The following ANKHD1 variants were observed in gnomAD, a reference collection of about 807,000 sequenced individuals.
ANKHD1 encodes ankyrin repeat and KH domain-containing protein 1.
A neutral mutation model predicts 230.5 loss-of-function variants in ANKHD1; 31 were observed. That is an observed-to-expected ratio of 0.13 (90% confidence interval 0.10 to 0.18). ANKHD1 has a LOEUF of 0.18. Ranked by LOEUF, ANKHD1 falls within the 10% of genes least tolerant of loss-of-function variation. The pLI, the probability that ANKHD1 is intolerant of heterozygous loss-of-function variation, is 1.00. For missense variants in ANKHD1, 2,256 were observed against 3,071.3 expected (o/e 0.73, Z 6.27); for synonymous variants, 1,074 against 1,117.6 (o/e 0.96, Z 0.78).
rs1190363167 is a variant in ANKHD1 at position 140,539,666 on chromosome 5, TATGCAGAAGAGAATTAGTTG to T, written c.*251_*270del. On this transcript the variant is annotated 3_prime_UTR_variant, in exon 34 of 34. Transcript: ENST00000360839. Reference sequence around the variant, plus strand: ...GGCTAAACATACAGAATACTACTTGTATGCAGAAGAGAATTAGTTGATTACATGTTTCAACCTTTTAGGGT... The same window carrying T: ...GGCTAAACATACAGAATACTACTTGTATTACATGTTTCAACCTTTTAGGGT... The T allele has an allele frequency of 2.6e-6, 1 of 383,490 alleles. No individual in the cohort carries two copies. Among genetic ancestry groups the T allele is most frequent in the African/African-American group, 2.1e-5 (1 of 48,240 alleles). 23.8% of individuals were successfully genotyped at this position (383,490 alleles called of 1,614,324 possible).
At chr5:140,465,810 A>T (rs1776039833) in intron 10 of ANKHD1, among the ~76,000 whole-genome samples, 2 of 152,104 alleles carry the variant, frequency 1.3e-5, no homozygotes, top group African/African-American at 4.8e-5. Flanking sequence ...AATTTTTGGG[A>T]GGTATGCTTT....
Position 140,419,774 on chromosome 5 carries a change from T to TTTTCTTTCTTTCTTTCTCTC in ANKHD1, c.307-16313_307-16312insCTCTTTCTTTCTTTCTTTCT, listed in dbSNP as rs1771729827. 1.4e-4 allele frequency among the ~76,000 whole-genome samples: 12 copies of TTTTCTTTCTTTCTTTCTCTC among 86,940 alleles called. No individual in the cohort carries two copies. The South Asian group carries it at 1.5e-3, about 11-fold the overall frequency. 57.0% of individuals were successfully genotyped at this position (86,940 alleles called of 152,430 possible). A position where few individuals can be genotyped will look rare whatever the true frequency, so the allele number is the denominator to read the frequency against. Reference sequence around the variant, plus strand: ...TTCTTTTCTCTTCTCTTTCCTTTCTTTTTCTTTCTTTCTTTCTTTCTTTCT... The same window carrying TTTTCTTTCTTTCTTTCTCTC: ...TTCTTTTCTCTTCTCTTTCCTTTCTTTTTCTTTCTTTCTTTCTCTCTTTCTTTCTTTCTTTCTTTCTTTCT... On this transcript the variant is annotated intron_variant, in intron 1 of 33. Coordinates refer to ENST00000360839, the MANE Select transcript of ANKHD1 (RefSeq NM_017747.3).
At chr5:140,490,208 G>A (rs1475073388) in intron 14 of ANKHD1, among the ~76,000 whole-genome samples, 42 of 151,982 alleles carry the variant, frequency 2.8e-4, no homozygotes, top group African/African-American at 2.4e-5. Context: ...TTATTCCCTA[G>A]GACTCTCTTT....
At chr5:140,406,045 G>T (rs1488065360) in intron 1 of ANKHD1, among the ~76,000 whole-genome samples, 5 of 151,964 alleles carry the variant, frequency 3.3e-5, no homozygotes, top group Non-Finnish European at 7.4e-5. Context: ...TTAGAGACCA[G>T]CCTGGCCAAC....
rs1773811469 is a variant in ANKHD1 at position 140,441,073 on chromosome 5, G to A, written c.844G>A (p.Gly282Arg). The A allele has an allele frequency of 1.9e-6, 3 of 1,611,654 alleles. No homozygotes were observed. The highest frequency in any genetic ancestry group is 1.1e-5 in the South Asian group (1 of 90,628). The change falls in exon 5 of 34, where the codon GGA becomes AGA. Residue 282 changes from glycine (G) to arginine (R), a missense_variant. Around this residue, in one of 13 missense-constraint regions of ANKHD1, gnomAD observed 206 missense variants for 304.5 expected, o/e 0.68. Transcript: ENST00000360839. ...AACTCCCCTGATGGCAGCTTCCAGT[G>A]GAGGTTACTTAGATATTGTGAAATT... is the stretch of plus-strand genomic sequence containing the variant. ...DITPLMAASS[G>R]GYLDIVKLLL...
intron 14 of ANKHD1, among the ~76,000 whole-genome samples, chr5:140,489,274 G>T (rs944119897): frequency 4.0e-5 from 6 of 151,696 alleles, no homozygotes; most frequent in African/African-American, 1.5e-4. Context: ...TTGGGAGGCC[G>T]AGGCAGAATG....
chr5:140,484,908 T>C, intron 11 of ANKHD1: 1 of 662,936 alleles, frequency 1.5e-6, no homozygotes, highest in Non-Finnish European at 2.1e-6. Context: ...AAGATGGGGC[T>C]TTTGGTATGT....
chr5:140,416,528 ACT>A (rs1171868907), intron 1 of ANKHD1, among the ~76,000 whole-genome samples: 1 of 151,764 alleles, frequency 6.6e-6, no homozygotes, highest in African/African-American at 2.4e-5. Flanking sequence ...TACTTTCTTG[ACT>A]CTCTGATCTA....
intron 9 of ANKHD1, among the ~76,000 whole-genome samples, chr5:140,459,569 A>G (rs1027157239): frequency 5.3e-5 from 8 of 152,110 alleles, no homozygotes; most frequent in Non-Finnish European, 5.9e-5. Context: ...TTTTAATGAT[A>G]TATTGCATAG....
In ANKHD1 at chr5:140,485,362, G is replaced by C; in HGVS notation, c.1998+114G>C. 5.6e-6 allele frequency: 8 copies of C among 1,427,000 alleles called. No individual in the cohort carries two copies. The highest frequency in any genetic ancestry group is 1.5e-5 in the South Asian group (1 of 67,438). The allele number at this position is 1,427,000 out of a possible 1,614,324, so 88.4% of individuals were successfully genotyped here. On this transcript the variant is annotated intron_variant, in intron 12 of 33. Transcript: ENST00000360839. This position sits in a 1 kb window ranked among gnomAD's most constrained non-coding sequence, Gnocchi z 4.8. The stretch of plus-strand genomic sequence containing the variant: ...ACTTGAGCCCAGGAGTTTGAGACTA[G>C]TCTAGGCAACATAAGGAGACCCCAT...
At chr5:140,499,049 TACC>T (rs1752161701) in intron 15 of ANKHD1, among the ~76,000 whole-genome samples, 2 of 152,076 alleles carry the variant, frequency 1.3e-5, no homozygotes, top group South Asian at 4.1e-4. Flanking sequence ...CATTAATACC[TACC>T]ACATTGTACA....
chr5:140,526,614 T>C, intron 26 of ANKHD1, among the ~76,000 whole-genome samples, 171 bp downstream of exon 26: 1 of 152,208 alleles, frequency 6.6e-6, no homozygotes, highest in Non-Finnish European at 1.5e-5. Flanking sequence ...CTTTATCATT[T>C]GCTAGTTAGG....
chr5:140,420,256 C>T (rs1771865982), intron 1 of ANKHD1, among the ~76,000 whole-genome samples: 1 of 151,924 alleles, frequency 6.6e-6, no homozygotes, highest in African/African-American at 2.4e-5. Flanking sequence ...TCTCAAAGTG[C>T]TGGGATTATA....
chr5:140,411,350 C>T (rs1206029488), intron 1 of ANKHD1, among the ~76,000 whole-genome samples: 2 of 152,172 alleles, frequency 1.3e-5, no homozygotes, highest in Non-Finnish European at 2.9e-5. Flanking sequence ...GAAAAATAGG[C>T]CATCTGATTC....
rs2127052549 is a variant in ANKHD1, at chr5:140,505,884, A to C, written c.3408+15A>C. On this transcript the variant is annotated intron_variant, in intron 18 of 33. Transcript: ENST00000360839. ...GACGTCAGGAGGTGTGTTAATGTTA[A>C]TTTTCATTTTGTAAATATTTTGCTT... 21 of 1,553,152 alleles carry C rather than the reference A, an allele frequency of 1.4e-5. No homozygotes were observed. The highest frequency in any genetic ancestry group is 1.8e-5 in the Non-Finnish European group (21 of 1,155,812).
chr5:140,531,581 A>G (rs1029376081), intron 29 of ANKHD1, among the ~76,000 whole-genome samples: 1 of 146,530 alleles, frequency 6.8e-6, no homozygotes, highest in Non-Finnish European at 1.5e-5. Context: ...GACTGTCAGG[A>G]AAAAAAAAAA....
chr5:140,509,947 G>A (rs908913631), intron 21 of ANKHD1, 72 bp from the exon 22 acceptor site: 1 of 1,548,234 alleles, frequency 6.5e-7, no homozygotes, highest in African/African-American at 1.4e-5. Context: ...TGTAAAAGAA[G>A]AAGATAGAGA....
In ANKHD1 at chr5:140,528,583, A is replaced by C; in HGVS notation, c.5637A>C (p.Gly1879=). The C allele has an allele frequency of 6.2e-7, 1 of 1,614,130 alleles. No individual in the cohort carries two copies. The highest frequency in any genetic ancestry group is 8.5e-7 in the Non-Finnish European group (1 of 1,180,014). The change falls in exon 29 of 34, where the codon GGA becomes GGC. Residue 1879 remains glycine, a synonymous_variant. Transcript: ENST00000360839. The part of the protein sequence containing the change: ...HPRLPMAQFG[G]TFSPSPNTWG... ...GCTTACCCATGGCCCAGTTTGGAGG[A>C]ACCTTCTCACCTTCTCCTAACACAT...
At chr5:140,536,447 G>A (rs999272403) in intron 30 of ANKHD1, among the ~76,000 whole-genome samples, 6 of 152,178 alleles carry the variant, frequency 3.9e-5, no homozygotes, top group African/African-American at 1.2e-4. Flanking sequence ...GGAATTGAAC[G>A]GAATTGGATT....
Sources: allele counts gnomAD v4.1 joint callset (sites outside exome capture counted in the v4.1 genomes callset), GRCh38; gene constraint gnomAD v4.1.1; regional missense constraint gnomAD v4.1.1; non-coding constraint Gnocchi (gnomAD v3.1); transcripts MANE v1.5; gene names NCBI Gene and HGNC (gene_info 2026-07-23, HGNC 2026-07-21).